The following GRIP1 variants were observed in gnomAD, a reference collection of about 807,000 sequenced individuals.
GRIP1 encodes glutamate receptor-interacting protein 1.
A neutral mutation model predicts 129.9 loss-of-function variants in GRIP1; 45 were observed. That is an observed-to-expected ratio of 0.35 (90% CI 0.27 to 0.44). The LOEUF is 0.44. GRIP1 is among the 20% of genes least tolerant of loss of function. GRIP1 has a pLI of 1.00. For missense variants in GRIP1, 1,196 were observed against 1,396.8 expected, an observed-to-expected ratio of 0.86 and a Z score of 2.29; for synonymous variants, 530 against 520.8, an observed-to-expected ratio of 1.02 and a Z score of -0.24.
chr12:66,378,653 G>A (rs757285078), intron 20 of GRIP1, among the ~76,000 whole-genome samples: 18 of 151,722 alleles, frequency 1.2e-4, no homozygotes, highest in South Asian at 2.1e-4. Flanking sequence ...AGGCTGAGAC[G>A]AGAATCACTC....
At position 66,859,283 on chromosome 12, in the gene GRIP1, ACAAAAAAACAAAAAAACAAAAAAAAAC is replaced by A. The variant is rs1566054629; in HGVS notation, c.58+209740_58+209766del. ...TGAAAAAAAACAAAAAAACAAAAAA[ACAAAAAAACAAAAAAACAAAAAAAAAC>A]CAGTATTAGCCATCACAGAAATAGA... On this transcript the variant is annotated intron_variant, in intron 1 of 1. Coordinates refer to the GRIP1 transcript ENST00000643019. Among the ~76,000 whole-genome samples the A allele has an allele frequency of 9.5e-3, 144 of 15,146 alleles. 3 individuals carry two copies. Among genetic ancestry groups the A allele is most frequent in the African/African-American group, 0.013 (101 of 7,928 alleles). The allele number at this position is 15,146 out of a possible 152,430, so 9.9% of individuals were successfully genotyped here.
At chr12:67,031,962 G>C (rs2043029072) in intron 1 of GRIP1, among the ~76,000 whole-genome samples, 1 of 151,998 alleles carries the variant, frequency 6.6e-6, no homozygotes, top group Non-Finnish European at 1.5e-5. Flanking sequence ...TCCGTGCCTT[G>C]GGCCATGCTG....
chr12:66,801,022 A>G (rs1267437104), intron 1 of GRIP1, among the ~76,000 whole-genome samples: 1 of 152,104 alleles, frequency 6.6e-6, no homozygotes, highest in African/African-American at 2.4e-5. Context: ...CAATTCCCTC[A>G]GGATATTTAG....
Position 66,348,757 on chromosome 12 carries a change from T to G in GRIP1, c.*262A>C. The G allele has an allele frequency of 2.0e-6, 1 of 492,308 alleles. No homozygotes were observed. 30.5% of individuals were successfully genotyped at this position (492,308 alleles called of 1,614,324 possible). ...ATTTCCTCTGATGTTAATTGTAGAG[T>G]TGTGGGGGACGGCCTATTTTTCTCT... On this transcript the variant is annotated 3_prime_UTR_variant, in exon 25 of 25. Coordinates refer to ENST00000359742, the MANE Select transcript of GRIP1 (RefSeq NM_001366722.1).
At chr12:67,031,809 T>G (rs999689325) in intron 1 of GRIP1, among the ~76,000 whole-genome samples, 5 of 152,198 alleles carry the variant, frequency 3.3e-5, no homozygotes, top group Middle Eastern at 3.2e-3. Context: ...TTATAAATAA[T>G]CTTAATCTTA....
chr12:66,616,027 C>A (rs544826912), intron 1 of GRIP1, among the ~76,000 whole-genome samples: 4 of 152,160 alleles, frequency 2.6e-5, no homozygotes, highest in Non-Finnish European at 4.4e-5. Flanking sequence ...TGATACATAT[C>A]TCTTAAAAAT....
At chr12:66,635,436 A>G (rs1010677163) in intron 1 of GRIP1, among the ~76,000 whole-genome samples, 2 of 151,682 alleles carry the variant, frequency 1.3e-5, no homozygotes, top group African/African-American at 4.9e-5. Flanking sequence ...AAAAAAAAAG[A>G]AAAAAAGAAA....
chr12:67,024,233 T>C (rs2042908285), intron 1 of GRIP1, among the ~76,000 whole-genome samples: 1 of 152,136 alleles, frequency 6.6e-6, no homozygotes, highest in Admixed American at 6.6e-5. Flanking sequence ...AAACAAATAA[T>C]CAAGATGCCC....
chr12:66,708,814 A>C (rs557614003), intron 1 of GRIP1, among the ~76,000 whole-genome samples: 19 of 151,942 alleles, frequency 1.3e-4, no homozygotes, highest in African/African-American at 4.6e-4. Context: ...TGAAGTTTAT[A>C]TTTACTTTTT....
chr12:66,529,756 A>G, intron 5 of GRIP1, 75 bp downstream of exon 5: 1 of 859,602 alleles, frequency 1.2e-6, no homozygotes, highest in Admixed American at 1.7e-5. Context: ...GTAACCAAAT[A>G]CCCAAATACC....
chr12:66,908,307 G>A (rs2040970232), intron 1 of GRIP1, among the ~76,000 whole-genome samples: 1 of 152,156 alleles, frequency 6.6e-6, no homozygotes. Flanking sequence ...GAAAGTCAAT[G>A]ACAATCTGAT....
rs2040094188 is a variant in GRIP1, at chr12:66,860,557, CT to C, written c.58+208492del. Among the ~76,000 whole-genome samples the C allele has an allele frequency of 2.6e-5, 4 of 151,980 alleles. No homozygotes were observed. In the South Asian group the frequency reaches 8.3e-4, roughly 32 times the overall value. ...GCTGAAGTGTACTTTTTGTAACATG[CT>C]GCCCATTCACCGAGTGTAAGTTCCC... On this transcript the variant is annotated intron_variant, in intron 1 of 1. Coordinates refer to the GRIP1 transcript ENST00000643019.
chr12:66,621,273 C>G (rs1220426462), intron 1 of GRIP1, among the ~76,000 whole-genome samples: 1 of 152,068 alleles, frequency 6.6e-6, no homozygotes, highest in Non-Finnish European at 1.5e-5. Context: ...CCATTGTCCC[C>G]CCACAGTTCC....
At chr12:66,993,708 T>C (rs1014401651) in intron 1 of GRIP1, among the ~76,000 whole-genome samples, 3 of 150,536 alleles carry the variant, frequency 2.0e-5, no homozygotes, top group African/African-American at 7.4e-5. Context: ...AGAGAATCAC[T>C]TGAACCCTGG....
chr12:66,895,121 G>A (rs780329951), intron 1 of GRIP1, among the ~76,000 whole-genome samples: 12 of 152,182 alleles, frequency 7.9e-5, no homozygotes, highest in Non-Finnish European at 1.3e-4. Flanking sequence ...CCATTCTTGG[G>A]ATAGGTCTGT....
Position 66,671,638 on chromosome 12 carries a change from T to C in GRIP1, c.55+7212A>G, listed in dbSNP as rs957534284. Among the ~76,000 whole-genome samples the C allele has an allele frequency of 2.6e-5, 4 of 152,300 alleles. 1 individual carries two copies. Among genetic ancestry groups the C allele is most frequent in the African/African-American group, 9.6e-5 (4 of 41,564 alleles). On this transcript the variant is annotated intron_variant, in intron 1 of 24. Coordinates refer to ENST00000359742, the MANE Select transcript of GRIP1 (RefSeq NM_001366722.1). ...CATCAATACCCTGTGAAAACTGTTC[T>C]CTCAAAGGTCAGCAATGACCCACTT...
intron 1 of GRIP1, among the ~76,000 whole-genome samples, chr12:66,866,804 G>A (rs1351080755): frequency 6.6e-6 from 1 of 152,034 alleles, no homozygotes; most frequent in Non-Finnish European, 1.5e-5. Flanking sequence ...ATGAGTAAGA[G>A]AGTAAGATGT....
chr12:66,713,160 T>A (rs1471271560), intron 1 of GRIP1, among the ~76,000 whole-genome samples: 9 of 152,026 alleles, frequency 5.9e-5, no homozygotes. Flanking sequence ...TTAATTTTTG[T>A]CTTTATGACA....
chr12:66,830,213 C>G (rs563646611), intron 1 of GRIP1, among the ~76,000 whole-genome samples: 2 of 152,224 alleles, frequency 1.3e-5, no homozygotes, highest in Admixed American at 1.3e-4. Flanking sequence ...CTGAATCATC[C>G]ACTGCCCCGC....
Sources: gnomAD v4.1 joint callset for allele counts (sites outside exome capture counted in the v4.1 genomes callset) on GRCh38, gnomAD v4.1.1 for gene constraint, MANE v1.5 for transcripts, NCBI Gene and HGNC (gene_info 2026-07-23, HGNC 2026-07-21) for gene names.